The following B3GALT1 variants were observed in gnomAD, a reference collection of about 807,000 sequenced individuals.
B3GALT1 encodes the protein UDP-Gal:betaGlcNAc beta 1,3-galactosyltransferase, polypeptide 1.
In B3GALT1, 10 loss-of-function variants were observed where a neutral mutation model predicts 23.2. The observed-to-expected ratio is 0.43, with a 90% CI of 0.27 to 0.73. B3GALT1 has a LOEUF of 0.73. B3GALT1 is among the 30% of genes least tolerant of loss of function. The probability of loss-of-function intolerance (pLI) is 0.21; values close to 1 mark genes in which losing one functional copy is unlikely to be tolerated. For synonymous variants in B3GALT1, 156 were observed against 141.5 expected (o/e 1.10, Z -0.73); for missense variants, 299 against 405.4 (o/e 0.74, Z 2.25).
chr2:167,646,348 A>G (rs1394295859), intron 2 of B3GALT1, among the ~76,000 whole-genome samples: 2 of 152,082 alleles, frequency 1.3e-5, no homozygotes, highest in African/African-American at 4.8e-5. Flanking sequence ...CCCTCTTTCT[A>G]AGTCATCCAG....
chr2:167,319,782 A>T (rs1227841198), intron 1 of B3GALT1, among the ~76,000 whole-genome samples: 1 of 152,144 alleles, frequency 6.6e-6, no homozygotes, highest in Non-Finnish European at 1.5e-5. Context: ...TAAAATGATG[A>T]CTAATCCCTC....
intron 1 of B3GALT1, among the ~76,000 whole-genome samples, chr2:167,467,084 G>A (rs983442290): frequency 2.6e-5 from 4 of 151,638 alleles, no homozygotes; most frequent in African/African-American, 7.3e-5. Context: ...GTAGGCCTCC[G>A]GATGGATGCA....
At chr2:167,846,440 A>G (rs993105789) in intron 4 of B3GALT1, among the ~76,000 whole-genome samples, 1 of 152,218 alleles carries the variant, frequency 6.6e-6, no homozygotes, top group South Asian at 2.1e-4. Context: ...TTGGGGCCCT[A>G]TCTTCAGCCT....
chr2:167,668,077 T>A (rs888229344), intron 3 of B3GALT1, among the ~76,000 whole-genome samples: 2 of 152,154 alleles, frequency 1.3e-5, no homozygotes, highest in Non-Finnish European at 2.9e-5. Flanking sequence ...ATCTTTGTGG[T>A]TTTATCTACT....
chr2:167,527,743 G>A (rs1442533381), intron 2 of B3GALT1, among the ~76,000 whole-genome samples: 1 of 151,926 alleles, frequency 6.6e-6, no homozygotes, highest in Non-Finnish European at 1.5e-5. Context: ...TCTAAACCTT[G>A]TGCTTTTCCT....
At chr2:167,528,968 T>G (rs1182378344) in intron 2 of B3GALT1, among the ~76,000 whole-genome samples, 3 of 152,092 alleles carry the variant, frequency 2.0e-5, no homozygotes, top group Non-Finnish European at 2.9e-5. Flanking sequence ...CTTCCTGTTA[T>G]CTCCCTTTGT....
At chr2:167,757,980 A>G (rs1318046104) in intron 3 of B3GALT1, among the ~76,000 whole-genome samples, 2 of 152,168 alleles carry the variant, frequency 1.3e-5, no homozygotes, top group Non-Finnish European at 2.9e-5. Context: ...AAAATATACT[A>G]AGAGATCATT....
At chr2:167,524,928 A>G (rs1683195322) in intron 2 of B3GALT1, among the ~76,000 whole-genome samples, 1 of 152,244 alleles carries the variant, frequency 6.6e-6, no homozygotes. Context: ...TAATGGGTAG[A>G]CATGCTTTAG....
chr2:167,710,165 T>C (rs1334451394), intron 3 of B3GALT1, among the ~76,000 whole-genome samples: 1 of 152,196 alleles, frequency 6.6e-6, no homozygotes, highest in Non-Finnish European at 1.5e-5. Flanking sequence ...TATCTTCACT[T>C]GCTGTCACTT....
At chr2:167,499,242 C>G (rs1290066963) in intron 2 of B3GALT1, among the ~76,000 whole-genome samples, 1 of 152,102 alleles carries the variant, frequency 6.6e-6, no homozygotes, top group African/African-American at 2.4e-5. Context: ...CTATTTGATA[C>G]TTACATCATT....
chr2:167,409,101 C>A (rs1353833503), intron 1 of B3GALT1, among the ~76,000 whole-genome samples: 1 of 152,198 alleles, frequency 6.6e-6, no homozygotes, highest in Non-Finnish European at 1.5e-5. Flanking sequence ...CTAGAGACAT[C>A]CCCATACTTC....
rs1420025354 is a variant in B3GALT1 at position 167,348,846 on chromosome 2, A to C, written c.-511+55512A>C. 2.6e-5 allele frequency among the ~76,000 whole-genome samples: 4 copies of C among 152,278 alleles called. No individual in the cohort carries two copies. In the East Asian group the frequency reaches 5.8e-4, roughly 22 times the overall value. ...AGAGGTTTTATAAGATCTATCTTTCACATGGTAATATAATCATAGCCCTCA... is the reference window on the plus strand; with the variant it reads ...AGAGGTTTTATAAGATCTATCTTTCCCATGGTAATATAATCATAGCCCTCA... On this transcript the variant is annotated intron_variant, in intron 1 of 4. Transcript: ENST00000392690.
chr2:167,558,612 C>T (rs994943659), intron 2 of B3GALT1, among the ~76,000 whole-genome samples: 2 of 152,166 alleles, frequency 1.3e-5, no homozygotes, highest in African/African-American at 4.8e-5. Flanking sequence ...CTGAATACTG[C>T]GCTTTTCCGA....
intron 2 of B3GALT1, among the ~76,000 whole-genome samples, chr2:167,584,822 C>G (rs12990544): frequency 6.6e-6 from 1 of 152,166 alleles, no homozygotes; most frequent in Non-Finnish European, 1.5e-5. Flanking sequence ...AGCTTACTTG[C>G]CCTCTCCAGT....
At chr2:167,404,474 C>T (rs769883321) in intron 1 of B3GALT1, among the ~76,000 whole-genome samples, 4 of 152,120 alleles carry the variant, frequency 2.6e-5, no homozygotes, top group Non-Finnish European at 5.9e-5. Flanking sequence ...AGTTAATTAA[C>T]AGGTTGTAGT....
At chr2:167,824,691 T>C (rs1445794715) in intron 4 of B3GALT1, among the ~76,000 whole-genome samples, 2 of 152,092 alleles carry the variant, frequency 1.3e-5, no homozygotes, top group Non-Finnish European at 2.9e-5. Flanking sequence ...GGGACCAGTG[T>C]CATTTGGTCC....
At chr2:167,672,847 T>C (rs905834380) in intron 3 of B3GALT1, among the ~76,000 whole-genome samples, 1 of 152,108 alleles carries the variant, frequency 6.6e-6, no homozygotes, top group African/African-American at 2.4e-5. Context: ...ATTGTCCAAT[T>C]TGAATAATTA....
intron 3 of B3GALT1, among the ~76,000 whole-genome samples, chr2:167,816,927 G>C (rs1016318696): frequency 1.3e-5 from 2 of 152,162 alleles, no homozygotes; most frequent in Non-Finnish European, 2.9e-5. Context: ...CCCATTATTA[G>C]AATAAGACAT....
chr2:167,825,464 G>A (rs907600226), intron 4 of B3GALT1, among the ~76,000 whole-genome samples: 9 of 138,532 alleles, frequency 6.5e-5, no homozygotes, highest in South Asian at 4.3e-4. Flanking sequence ...GTGCGTGCAC[G>A]TGTGTGTGTG....
Sources: allele counts gnomAD v4.1 joint callset (sites outside exome capture counted in the v4.1 genomes callset), GRCh38; gene constraint gnomAD v4.1.1; transcripts MANE v1.5; gene names NCBI Gene and HGNC (gene_info 2026-07-23, HGNC 2026-07-21).